The following PCBD2 variants were observed in gnomAD, a reference collection of about 807,000 sequenced individuals.
PCBD2 encodes the protein pterin-4-alpha-carbinolamine dehydratase 2.
PCBD2 carries 12 observed loss-of-function variants against 16.4 expected under a neutral mutation model. That is an observed-to-expected ratio of 0.73 (90% CI 0.47 to 1.19). PCBD2 has a LOEUF of 1.19. PCBD2 is among the 50% of genes most tolerant of loss of function. The pLI is 0.00. For missense variants in PCBD2, 138 were observed against 156.8 expected (o/e 0.88, Z 0.64); for synonymous variants, 58 against 61.8 (o/e 0.94, Z 0.29).
chr5:134,960,415 G>T (rs1252706229), intron 3 of PCBD2, among the ~76,000 whole-genome samples, 171 bp from the exon 4 acceptor site: 2 of 152,186 alleles, frequency 1.3e-5, no homozygotes, highest in East Asian at 3.9e-4. Flanking sequence ...CCTGGAGTTC[G>T]CTGGGTTTTG....
intron 2 of PCBD2, among the ~76,000 whole-genome samples, chr5:134,945,202 C>CT (rs1460126484): frequency 6.6e-6 from 1 of 152,138 alleles, no homozygotes; most frequent in Non-Finnish European, 1.5e-5. Context: ...CAGCAGTGTG[C>CT]TTTTTTTGCC....
intron 2 of PCBD2, among the ~76,000 whole-genome samples, chr5:134,934,983 CACTCCATTG>C (rs1751142373): frequency 6.6e-6 from 1 of 152,172 alleles, no homozygotes. Context: ...AGTTAAAAAT[CACTCCATTG>C]TTAAGTTTTA....
chr5:134,917,356 G>A (rs1750845954), intron 2 of PCBD2, among the ~76,000 whole-genome samples: 1 of 152,222 alleles, frequency 6.6e-6, no homozygotes, highest in Non-Finnish European at 1.5e-5. Context: ...AATACCTGGG[G>A]CTACCCTTGT....
chr5:134,960,523 G>A (rs1420483681), intron 3 of PCBD2, 63 bp from the exon 4 acceptor site: 39 of 1,181,740 alleles, frequency 3.3e-5, no homozygotes, highest in Non-Finnish European at 4.3e-5. Context: ...TTTCTGAACT[G>A]CCAAAGGAAA....
intron 2 of PCBD2, among the ~76,000 whole-genome samples, chr5:134,943,379 A>G (rs934457543): frequency 7.2e-5 from 11 of 152,186 alleles, no homozygotes; most frequent in African/African-American, 2.4e-4. Context: ...GCCTCAGTCT[A>G]GGTTACGAGT....
intron 2 of PCBD2, 100 bp from the exon 3 acceptor site, chr5:134,958,939 GA>G: frequency 1.2e-6 from 1 of 850,354 alleles, no homozygotes; most frequent in Non-Finnish European, 1.9e-6. Context: ...CTTCCCTAAG[GA>G]TCCTTGCCTG....
At chr5:134,941,181 C>G (rs947504846) in intron 2 of PCBD2, among the ~76,000 whole-genome samples, 1 of 149,924 alleles carries the variant, frequency 6.7e-6, no homozygotes, top group Non-Finnish European at 1.5e-5. Flanking sequence ...GATCTTTCCA[C>G]AGCACACACT....
intron 2 of PCBD2, among the ~76,000 whole-genome samples, chr5:134,941,143 A>G (rs1751223165): frequency 6.7e-6 from 1 of 149,852 alleles, no homozygotes; most frequent in Non-Finnish European, 1.5e-5. Context: ...AAAAAAAAGA[A>G]CTTGGTTCCT....
At chr5:134,927,619 G>T (rs1346589965) in intron 2 of PCBD2, 2 of 398,364 alleles carry the variant, frequency 5.0e-6, no homozygotes, top group African/African-American at 2.1e-5. Context: ...AGGCGTTCTG[G>T]TTGGTTGCCT....
At chr5:134,952,959 A>G (rs912910670) in intron 2 of PCBD2, among the ~76,000 whole-genome samples, 21 of 152,170 alleles carry the variant, frequency 1.4e-4, no homozygotes, top group African/African-American at 5.1e-4. Flanking sequence ...GCAAATTTAT[A>G]AATGCAAATT....
intron 2 of PCBD2, among the ~76,000 whole-genome samples, chr5:134,942,148 A>AAAAG (rs1423179565): frequency 6.6e-6 from 1 of 151,578 alleles, no homozygotes; most frequent in African/African-American, 2.4e-5. Context: ...AAAAAAAAAA[A>AAAAG]AAGATTGTAG....
At chr5:134,931,551 T>C (rs759217579) in intron 2 of PCBD2, among the ~76,000 whole-genome samples, 10 of 152,204 alleles carry the variant, frequency 6.6e-5, no homozygotes, top group Non-Finnish European at 1.0e-4. Flanking sequence ...ATTCCCATTT[T>C]GCTAATGGTG....
intron 2 of PCBD2, among the ~76,000 whole-genome samples, chr5:134,914,816 C>T (rs572202580): frequency 7.6e-4 from 115 of 152,018 alleles, no homozygotes; most frequent in Non-Finnish European, 1.3e-3. Flanking sequence ...GGATTACAGG[C>T]GCCCGCCATC....
At chr5:134,905,867 T>C (rs528168714) in intron 1 of PCBD2, among the ~76,000 whole-genome samples, 1 of 151,902 alleles carries the variant, frequency 6.6e-6, no homozygotes, top group Admixed American at 6.5e-5. Context: ...CAGTTTGAAA[T>C]GTTTTGTTTT....
chr5:134,921,439 G>A (rs73790731), intron 2 of PCBD2, among the ~76,000 whole-genome samples: 1,586 of 152,202 alleles, frequency 0.01, 26 homozygotes, highest in African/African-American at 0.037. Flanking sequence ...CACTAAGGGA[G>A]GGGTTAGCAG....
intron 2 of PCBD2, among the ~76,000 whole-genome samples, chr5:134,953,339 G>A (rs2149540164): frequency 6.7e-6 from 1 of 148,404 alleles, no homozygotes; most frequent in South Asian, 2.1e-4. Flanking sequence ...CTATATATAG[G>A]TATATAACTT....
intron 2 of PCBD2, among the ~76,000 whole-genome samples, chr5:134,913,787 C>T (rs1750796920): frequency 6.6e-6 from 1 of 152,042 alleles, no homozygotes; most frequent in Admixed American, 6.5e-5. Flanking sequence ...TAGGGTTCCA[C>T]ATATTTTGAA....
chr5:134,953,504 T>C (rs1182210641), intron 2 of PCBD2, among the ~76,000 whole-genome samples: 1 of 151,968 alleles, frequency 6.6e-6, no homozygotes, highest in African/African-American at 2.4e-5. Flanking sequence ...AATATAGTCT[T>C]CTATTTCTGG....
intron 2 of PCBD2, among the ~76,000 whole-genome samples, chr5:134,958,374 C>T (rs1362314376): frequency 6.6e-6 from 1 of 152,208 alleles, no homozygotes; most frequent in Non-Finnish European, 1.5e-5. Context: ...GTTTGCAGCC[C>T]TCTGCTCATT....
Sources: allele counts gnomAD v4.1 joint callset (sites outside exome capture counted in the v4.1 genomes callset), GRCh38; gene constraint gnomAD v4.1.1; transcripts MANE v1.5; gene names NCBI Gene and HGNC (gene_info 2026-07-23, HGNC 2026-07-21).